BOC: variants seen among roughly 807,000 people sequenced by gnomAD.
The protein encoded by BOC is BOC cell adhesion associated, oncogene regulated.
A neutral mutation model predicts 112.0 loss-of-function variants in BOC; 76 were observed. The observed-to-expected ratio is 0.68, with a 90% CI of 0.56 to 0.82. BOC has a LOEUF of 0.82. BOC is among the 40% of genes least tolerant of loss of function. BOC has a pLI of 0.00. For synonymous variants in BOC, 580 were observed against 599.8 expected (o/e 0.97, Z 0.48); for missense variants, 1,309 against 1,511.7 (o/e 0.87, Z 2.22).
In BOC at chr3:113,267,072, C is replaced by T. The variant is rs142629747; in HGVS notation, c.377-1227C>T. The stretch of plus-strand genomic sequence containing the variant: ...CAGTCAGTCCCAATGCTGTCAGTCC[C>T]GGGAGCTGAGCAGAATTTGGTGTGG... On this transcript the variant is annotated intron_variant, in intron 4 of 19. Transcript: ENST00000682979. Among the ~76,000 whole-genome samples, 1,468 of 152,290 alleles carry T rather than the reference C, an allele frequency of 9.6e-3. 25 individuals are homozygous for T. The highest frequency in any genetic ancestry group is 0.033 in the African/African-American group (1,355 of 41,562).
At chr3:113,249,688 A>C in intron 2 of BOC, 34 bp from the exon 3 acceptor site, 1 of 815,420 alleles carries the variant, frequency 1.2e-6, no homozygotes, top group African/African-American at 1.7e-5. Flanking sequence ...CATCCTCATC[A>C]TGGCCATTGC....
At chr3:113,240,293 C>G (rs995027489) in intron 2 of BOC, among the ~76,000 whole-genome samples, 6 of 152,212 alleles carry the variant, frequency 3.9e-5, no homozygotes, top group African/African-American at 1.4e-4. Flanking sequence ...TTGGTTTTAG[C>G]AGTTTCAGCT....
chr3:113,271,077 G>T (rs1253228584), intron 6 of BOC, 133 bp downstream of exon 6: 1 of 1,334,500 alleles, frequency 7.5e-7, no homozygotes, highest in Non-Finnish European at 1.1e-6. Flanking sequence ...TTGGCCAGGG[G>T]GACAGCCAGG....
intron 2 of BOC, among the ~76,000 whole-genome samples, chr3:113,217,761 GT>G (rs888754576): frequency 6.6e-6 from 1 of 151,778 alleles, no homozygotes; most frequent in African/African-American, 2.4e-5. Context: ...GTTCAGCATA[GT>G]TTTTTTTTAA....
intron 2 of BOC, among the ~76,000 whole-genome samples, chr3:113,234,889 C>T (rs1402201358): frequency 2.0e-5 from 3 of 152,176 alleles, no homozygotes. Context: ...TTGGCTTGCT[C>T]CCTCGAGCGC....
chr3:113,236,353 T>C (rs1943566026), intron 2 of BOC, among the ~76,000 whole-genome samples: 1 of 123,030 alleles, frequency 8.1e-6, no homozygotes, highest in Non-Finnish European at 1.8e-5. Flanking sequence ...AATGGAATCA[T>C]GTCTTTTGCA....
Position 113,287,037 on chromosome 3 carries a change from T to A in BOC, c.*175T>A. 1 of 777,880 alleles carries A rather than the reference T, an allele frequency of 1.3e-6. No individual in the cohort carries two copies. Among genetic ancestry groups the A allele is most frequent in the Non-Finnish European group, 2.1e-6 (1 of 475,626 alleles). The allele number at this position is 777,880 out of a possible 1,614,324, so 48.2% of individuals were successfully genotyped here. On this transcript the variant is annotated 3_prime_UTR_variant, in exon 20 of 20. Coordinates refer to ENST00000682979, the MANE Select transcript of BOC (RefSeq NM_001378074.1). ...AATTCTGGAGAGACATAAGGAGTCC[T>A]ACCCGTTGAGGTTGGAGAGGGAAAA...
At chr3:113,282,010 C>G (rs554793305) in intron 15 of BOC, among the ~76,000 whole-genome samples, 1 of 152,314 alleles carries the variant, frequency 6.6e-6, no homozygotes, top group South Asian at 2.1e-4. Context: ...AGCCTTCACA[C>G]TGGTCTTCTG....
At chr3:113,240,757 G>A (rs1944183914) in intron 2 of BOC, among the ~76,000 whole-genome samples, 1 of 152,106 alleles carries the variant, frequency 6.6e-6, no homozygotes, top group Non-Finnish European at 1.5e-5. Flanking sequence ...GCAAAGATGG[G>A]AGAAGTTTAC....
chr3:113,245,896 T>C (rs1307876898), intron 2 of BOC, among the ~76,000 whole-genome samples: 1 of 152,238 alleles, frequency 6.6e-6, no homozygotes, highest in Non-Finnish European at 1.5e-5. Context: ...TGCCGTGGCA[T>C]GGGCGTCCAG....
chr3:113,276,306 C>T (rs1023987015), intron 9 of BOC, among the ~76,000 whole-genome samples: 13 of 152,210 alleles, frequency 8.5e-5, no homozygotes, highest in African/African-American at 2.9e-4. Context: ...CCGCATTCAC[C>T]CCCTCAGTGT....
At chr3:113,224,970 G>A (rs191096531) in intron 2 of BOC, among the ~76,000 whole-genome samples, 6 of 152,000 alleles carry the variant, frequency 3.9e-5, no homozygotes, top group South Asian at 2.1e-4. Flanking sequence ...CCAGCTACTC[G>A]GGAGGCTGAG....
rs954585768 is a variant in BOC, at chr3:113,287,058, GA to G, written c.*200del. 73 of 680,348 alleles carry G rather than the reference GA, an allele frequency of 1.1e-4. No homozygotes were observed. The African/African-American group carries it at 1.2e-3, about 12-fold the overall frequency. 42.1% of individuals were successfully genotyped at this position (680,348 alleles called of 1,614,324 possible). On this transcript the variant is annotated 3_prime_UTR_variant, in exon 20 of 20. Transcript: ENST00000682979. ...GTCCTACCCGTTGAGGTTGGAGAGG[GA>G]AAATAAAGAAGCTGCCACCTAACAG...
chr3:113,285,948 T>A (rs78658522), intron 19 of BOC, among the ~76,000 whole-genome samples: 1,823 of 152,352 alleles, frequency 0.012, 41 homozygotes, highest in African/African-American at 0.041. Context: ...CTTGCTTTGT[T>A]GAGGCTTGTC....
intron 2 of BOC, among the ~76,000 whole-genome samples, chr3:113,246,657 GACCAAGC>G (rs1464947638): frequency 4.6e-5 from 7 of 151,038 alleles, no homozygotes; most frequent in African/African-American, 1.7e-4. Flanking sequence ...ATCATCCAGT[GACCAAGC>G]CCCCCAACCT....
intron 2 of BOC, among the ~76,000 whole-genome samples, chr3:113,238,015 A>G (rs1454528494): frequency 6.6e-6 from 1 of 152,230 alleles, no homozygotes; most frequent in Non-Finnish European, 1.5e-5. Flanking sequence ...TGACAGACAG[A>G]TGCATGATCA....
chr3:113,233,182 T>TGTGG (rs1942932291), intron 2 of BOC, among the ~76,000 whole-genome samples: 1 of 151,220 alleles, frequency 6.6e-6, no homozygotes, highest in African/African-American at 2.4e-5. Context: ...TGTGTGTGTG[T>TGTGG]GTGTGTGTGT....
chr3:113,280,119 G>T, intron 13 of BOC, 114 bp downstream of exon 13: 1 of 1,136,272 alleles, frequency 8.8e-7, no homozygotes, highest in South Asian at 1.6e-5. Flanking sequence ...TTCATCAGTG[G>T]AATTTGGGAG....
At chr3:113,244,286 T>C (rs1448580498) in intron 2 of BOC, among the ~76,000 whole-genome samples, 2 of 144,642 alleles carry the variant, frequency 1.4e-5, no homozygotes, top group Non-Finnish European at 3.0e-5. Flanking sequence ...TGGTAGAGTA[T>C]AGCAATATTT....
Sources: allele counts gnomAD v4.1 joint callset (sites outside exome capture counted in the v4.1 genomes callset), GRCh38; gene constraint gnomAD v4.1.1; transcripts MANE v1.5; gene names NCBI Gene and HGNC (gene_info 2026-07-23, HGNC 2026-07-21).